SNX10: variants seen among roughly 807,000 people sequenced by gnomAD.
SNX10 encodes sorting nexin 10.
A neutral mutation model predicts 28.5 loss-of-function variants in SNX10; 25 were observed. The ratio of observed to expected loss-of-function variants is 0.88; its 90% CI spans 0.64 to 1.22. SNX10 has a LOEUF of 1.22. Ranked by LOEUF, SNX10 falls within the 50% of genes most tolerant of loss-of-function variation. SNX10 has a pLI of 0.00. For synonymous variants in SNX10, 62 were observed against 81.4 expected, an observed-to-expected ratio of 0.76 and a Z score of 1.28; for missense variants, 223 against 242.6, an observed-to-expected ratio of 0.92 and a Z score of 0.54.
At chr7:26,341,107 G>A (rs1371022262) in intron 1 of SNX10, among the ~76,000 whole-genome samples, 1 of 152,062 alleles carries the variant, frequency 6.6e-6, no homozygotes, top group East Asian at 1.9e-4. Flanking sequence ...AGACCAGCCT[G>A]GGCAACATAG....
chr7:26,364,918 T>G lies in SNX10; in HGVS notation c.213-129T>G. ...CCTTATTATATAACTATATAATGTA[T>G]AATCATAATTATAGAATAACTGTGT... On this transcript the variant is annotated intron_variant, in intron 4 of 6. Coordinates refer to ENST00000338523, the MANE Select transcript of SNX10 (RefSeq NM_013322.3). The surrounding 1 kb of genome is among the most constrained non-coding windows in gnomAD (Gnocchi z 4.9). 1.6e-6 allele frequency: 1 copy of G among 623,882 alleles called. No individual in the cohort carries two copies. Among genetic ancestry groups the G allele is most frequent in the Non-Finnish European group, 2.9e-6 (1 of 348,650 alleles). 38.6% of individuals were successfully genotyped at this position (623,882 alleles called of 1,614,324 possible). A position where few individuals can be genotyped will look rare whatever the true frequency, so the allele number is the denominator to read the frequency against.
chr7:26,291,935 C>CGGGGAGCGCGGGGGAGCGCGGGGAGCGCG lies in SNX10; in HGVS notation c.-162_-161insGAGCGCGGGGAGCGCGGGGGAGCGCGGGG, dbSNP rs1554347699. The CGGGGAGCGCGGGGGAGCGCGGGGAGCGCG allele has an allele frequency of 3.4e-5, 5 of 145,712 alleles. No individual in the cohort carries two copies. The highest frequency in any genetic ancestry group is 3.9e-4 in the East Asian group (2 of 5,096). 9.0% of individuals were successfully genotyped at this position (145,712 alleles called of 1,614,324 possible). On this transcript the variant is annotated 5_prime_UTR_variant, in exon 1 of 7. Transcript: ENST00000338523. ...GGGGCCGCTACGTGCGCGGGGAGCG[C>CGGGGAGCGCGGGGGAGCGCGGGGAGCGCG]GGGGAGCGCGGGGAGCGCGGGGCTG...
At chr7:26,345,276 C>A (rs1008268007) in intron 1 of SNX10, among the ~76,000 whole-genome samples, 4 of 152,320 alleles carry the variant, frequency 2.6e-5, no homozygotes, top group Admixed American at 6.5e-5. Context: ...GCTGATCTGG[C>A]CTGGTCACGA....
chr7:26,360,904 G>A (rs573754825), intron 2 of SNX10, 71 bp from the exon 3 acceptor site: 71 of 1,585,180 alleles, frequency 4.5e-5, no homozygotes, highest in East Asian at 1.4e-4. Flanking sequence ...TAGTGCAGTC[G>A]TTTTGTTCAG....
chr7:26,323,620 T>C (rs1481125145), intron 1 of SNX10, among the ~76,000 whole-genome samples: 1 of 152,098 alleles, frequency 6.6e-6, no homozygotes, highest in Non-Finnish European at 1.5e-5. Context: ...GTTTATTTCT[T>C]TTGCAGTGGG....
intron 3 of SNX10, among the ~76,000 whole-genome samples, chr7:26,363,459 GT>G (rs1244753515): frequency 6.6e-6 from 1 of 152,112 alleles, no homozygotes; most frequent in African/African-American, 2.4e-5. Flanking sequence ...GTAAAGAATT[GT>G]TTCTCATTTA....
At chr7:26,337,623 T>C (rs1273318614) in intron 1 of SNX10, among the ~76,000 whole-genome samples, 2 of 152,262 alleles carry the variant, frequency 1.3e-5, no homozygotes, top group Non-Finnish European at 2.9e-5. Flanking sequence ...CGTCCTCTTT[T>C]GTAGCATGTG....
intron 1 of SNX10, 124 bp from the exon 2 acceptor site, chr7:26,346,296 C>A (rs1372019945): frequency 3.9e-5 from 28 of 713,046 alleles, no homozygotes; most frequent in Admixed American, 7.9e-5. Context: ...AGCAGAGGCT[C>A]ACATGTCAGG....
rs529093218 is a variant in SNX10, at chr7:26,291,920, C to G, written c.-190C>G. ...GCTGAGCGCGGGCGCGGGGCCGCTA[C>G]GTGCGCGGGGAGCGCGGGGAGCGCG... On this transcript the variant is annotated 5_prime_UTR_variant, in exon 1 of 7. Coordinates refer to ENST00000338523, the MANE Select transcript of SNX10 (RefSeq NM_013322.3). The G allele has an allele frequency of 3.5e-4, 47 of 135,620 alleles. No homozygotes were observed. The highest frequency in any genetic ancestry group is 1.5e-3 in the Admixed American group (19 of 12,922). The allele number at this position is 135,620 out of a possible 1,614,324, so 8.4% of individuals were successfully genotyped here. A position where few individuals can be genotyped will look rare whatever the true frequency, so the allele number is the denominator to read the frequency against.
intron 2 of SNX10, among the ~76,000 whole-genome samples, chr7:26,349,303 G>A (rs1364129952): frequency 6.6e-6 from 1 of 151,466 alleles, no homozygotes; most frequent in African/African-American, 2.4e-5. Context: ...GTGACATCTT[G>A]GTTCTGTCTA....
intron 2 of SNX10, among the ~76,000 whole-genome samples, chr7:26,356,304 G>A (rs1460433741): frequency 2.6e-5 from 4 of 152,088 alleles, no homozygotes; most frequent in African/African-American, 7.2e-5. Flanking sequence ...TAGTCATTAG[G>A]CCCAAGAAGT....
chr7:26,354,194 A>C (rs1191729019), intron 2 of SNX10: 2 of 152,238 alleles, frequency 1.3e-5, no homozygotes, highest in Non-Finnish European at 1.5e-5. Flanking sequence ...GGTATGTATG[A>C]TATATCATTG....
rs903266522 is a variant in SNX10 at position 26,366,172 on chromosome 7, A to T, written c.311+1027A>T. Among the ~76,000 whole-genome samples the T allele has an allele frequency of 4.6e-5, 7 of 152,172 alleles. No individual in the cohort carries two copies. In the East Asian group the frequency reaches 1.3e-3, roughly 29 times the overall value. ...TGTTTCTTTTTCTAGTAGTTTCAGGATCTGAAGTCATCTCCTTTGGGGTTC... is the reference window on the plus strand; with the variant it reads ...TGTTTCTTTTTCTAGTAGTTTCAGGTTCTGAAGTCATCTCCTTTGGGGTTC... On this transcript the variant is annotated intron_variant, in intron 5 of 6. Coordinates refer to ENST00000338523, the MANE Select transcript of SNX10 (RefSeq NM_013322.3).
intron 1 of SNX10, among the ~76,000 whole-genome samples, chr7:26,335,860 C>T (rs2128006683): frequency 6.7e-6 from 1 of 149,628 alleles, no homozygotes; most frequent in African/African-American, 2.5e-5. Context: ...TCTCCTGCCT[C>T]AGCCTCCCGA....
chr7:26,342,025 TTTC>T (rs1788199831), intron 1 of SNX10, among the ~76,000 whole-genome samples: 1 of 118,948 alleles, frequency 8.4e-6, no homozygotes, highest in Admixed American at 8.3e-5. Flanking sequence ...TCCTTTCTTC[TTTC>T]TTTTTTTTTT....
intron 2 of SNX10, among the ~76,000 whole-genome samples, chr7:26,358,219 C>T (rs1209059141): frequency 6.6e-6 from 1 of 152,112 alleles, no homozygotes; most frequent in Non-Finnish European, 1.5e-5. Context: ...CACACATACA[C>T]GGTGACAAGA....
At chr7:26,327,726 C>CTTTTTTTTTTTTTTTTTTTTTT (rs70943293) in intron 1 of SNX10, among the ~76,000 whole-genome samples, 2 of 89,120 alleles carry the variant, frequency 2.2e-5, no homozygotes, top group African/African-American at 8.6e-5. Context: ...GCATTCTTTT[C>CTTTTTTTTTTTTTTTTTTTTTT]TTTTTTTTTT....
intron 1 of SNX10, among the ~76,000 whole-genome samples, chr7:26,324,863 A>G (rs1420750948): frequency 6.6e-6 from 1 of 152,204 alleles, no homozygotes; most frequent in Non-Finnish European, 1.5e-5. Flanking sequence ...ATTAATTTAA[A>G]TTTAAAAATA....
intron 1 of SNX10, among the ~76,000 whole-genome samples, chr7:26,322,148 G>C (rs1391358562): frequency 6.6e-6 from 1 of 152,088 alleles, no homozygotes; most frequent in Non-Finnish European, 1.5e-5. Flanking sequence ...ACTGGAGTTG[G>C]TACAACTAAG....
Sources: allele counts gnomAD v4.1 joint callset (sites outside exome capture counted in the v4.1 genomes callset), GRCh38; gene constraint gnomAD v4.1.1; non-coding constraint Gnocchi (gnomAD v3.1); transcripts MANE v1.5; gene names NCBI Gene and HGNC (gene_info 2026-07-23, HGNC 2026-07-21).